The following STPG2 variants were observed in gnomAD, a reference collection of about 807,000 sequenced individuals.
STPG2 encodes the protein sperm-tail PG-rich repeat-containing protein 2.
Under a neutral mutation model 54.2 loss-of-function variants are expected in STPG2, and 56 were observed. The observed-to-expected ratio is 1.03, with a 90% confidence interval of 0.83 to 1.29. The LOEUF (loss-of-function observed/expected upper bound fraction) is 1.29, where lower values mean the gene tolerates loss of function less well. Ranked by LOEUF, STPG2 falls within the 50% of genes most tolerant of loss-of-function variation. STPG2 has a pLI of 0.00. For synonymous variants in STPG2, 200 were observed against 181.8 expected (o/e 1.10, Z -0.81); for missense variants, 596 against 544.9 (o/e 1.09, Z -0.93).
intron 5 of STPG2, among the ~76,000 whole-genome samples, chr4:98,023,207 C>T (rs1331702839): frequency 6.6e-6 from 1 of 152,162 alleles, no homozygotes; most frequent in Non-Finnish European, 1.5e-5. Flanking sequence ...GGTGGATGTC[C>T]TTTCTGTTTG....
intron 4 of STPG2, among the ~76,000 whole-genome samples, chr4:97,452,120 ACCCC>A (rs70953067): frequency 4.1e-4 from 8 of 19,448 alleles, no homozygotes; most frequent in African/African-American, 1.1e-3. Flanking sequence ...CCCCGCCCCC[ACCCC>A]CCCCCCCCCC....
At chr4:98,099,557 T>C (rs966091751) in intron 5 of STPG2, among the ~76,000 whole-genome samples, 7 of 152,164 alleles carry the variant, frequency 4.6e-5, no homozygotes, top group Non-Finnish European at 1.5e-5. Flanking sequence ...TACTATTTGA[T>C]AGCACAATAG....
At chr4:97,861,681 G>C (rs937260617) in intron 8 of STPG2, among the ~76,000 whole-genome samples, 7 of 152,050 alleles carry the variant, frequency 4.6e-5, no homozygotes, top group Non-Finnish European at 8.8e-5. Context: ...AGAAAGGTCG[G>C]GTTACCCACA....
intron 10 of STPG2, among the ~76,000 whole-genome samples, chr4:97,600,645 G>A (rs963380129): frequency 5.3e-5 from 8 of 151,894 alleles, no homozygotes; most frequent in African/African-American, 1.9e-4. Flanking sequence ...AACTAATGAG[G>A]CAGTGTCTAG....
intron 4 of STPG2, among the ~76,000 whole-genome samples, chr4:97,463,370 T>C (rs562091248): frequency 6.6e-6 from 1 of 152,306 alleles, no homozygotes; most frequent in African/African-American, 2.4e-5. Flanking sequence ...TTTAGGTTTA[T>C]AGAAAAGTAG....
At chr4:97,907,417 A>C (rs540353269) in intron 8 of STPG2, among the ~76,000 whole-genome samples, 1 of 152,344 alleles carries the variant, frequency 6.6e-6, no homozygotes, top group African/African-American at 2.4e-5. Flanking sequence ...AGGAAGAATC[A>C]ATATTGTGAA....
chr4:97,846,892 A>G (rs1728972478), intron 8 of STPG2, among the ~76,000 whole-genome samples: 1 of 152,174 alleles, frequency 6.6e-6, no homozygotes, highest in South Asian at 2.1e-4. Flanking sequence ...CTGTGCATAT[A>G]TATCTTATAA....
intron 4 of STPG2, 74 bp from the exon 5 acceptor site, chr4:98,106,138 C>A (rs993499265): frequency 7.8e-6 from 8 of 1,028,962 alleles, no homozygotes; most frequent in African/African-American, 3.4e-5. Context: ...CAAAGAAATT[C>A]TTTCTACAGC....
chr4:97,905,673 G>C (rs1731383007), intron 8 of STPG2, among the ~76,000 whole-genome samples: 1 of 152,136 alleles, frequency 6.6e-6, no homozygotes, highest in African/African-American at 2.4e-5. Context: ...ATTGGATAAA[G>C]AGTCAAGATC....
At chr4:97,626,065 G>T (rs1459227268) in intron 10 of STPG2, among the ~76,000 whole-genome samples, 1 of 152,142 alleles carries the variant, frequency 6.6e-6, no homozygotes, top group African/African-American at 2.4e-5. Flanking sequence ...TATGGGCAAA[G>T]TAGTCATCTT....
intron 4 of STPG2, among the ~76,000 whole-genome samples, chr4:97,462,848 T>C (rs1172676583): frequency 1.3e-5 from 2 of 152,146 alleles, no homozygotes; most frequent in African/African-American, 4.8e-5. Flanking sequence ...TTCCTTATTG[T>C]ATGGACTGAG....
intron 10 of STPG2, among the ~76,000 whole-genome samples, chr4:97,563,827 T>G (rs1279799124): frequency 6.6e-6 from 1 of 152,190 alleles, no homozygotes. Flanking sequence ...TTTCTGATCT[T>G]TTACATTTGC....
At chr4:97,903,757 C>T (rs947819969) in intron 8 of STPG2, among the ~76,000 whole-genome samples, 10 of 152,130 alleles carry the variant, frequency 6.6e-5, no homozygotes, top group South Asian at 2.1e-4. Context: ...GTGCAGGAGC[C>T]GAAGCAGGGC....
At chr4:97,846,104 C>A (rs11097580) in intron 8 of STPG2, among the ~76,000 whole-genome samples, 88,462 of 151,558 alleles carry the variant, frequency 0.58, 26,372 homozygotes, top group East Asian at 0.74. Context: ...TGAAGCAGGC[C>A]AAAGGATAGA....
intron 9 of STPG2, among the ~76,000 whole-genome samples, chr4:97,801,552 C>T (rs915678028): frequency 2.6e-5 from 4 of 152,146 alleles, no homozygotes; most frequent in African/African-American, 9.7e-5. Flanking sequence ...AAACCAGGCA[C>T]AAATCTAGGG....
chr4:97,648,800 T>C (rs1721984169), intron 10 of STPG2, among the ~76,000 whole-genome samples: 1 of 152,156 alleles, frequency 6.6e-6, no homozygotes, highest in African/African-American at 2.4e-5. Flanking sequence ...GTCCTTGTTA[T>C]TGTAGTTGTA....
At chr4:97,704,935 A>G (rs953619283) in intron 10 of STPG2, among the ~76,000 whole-genome samples, 1 of 152,264 alleles carries the variant, frequency 6.6e-6, no homozygotes, top group African/African-American at 2.4e-5. Flanking sequence ...GAAATTTATC[A>G]AGAAAAAATA....
intron 7 of STPG2, among the ~76,000 whole-genome samples, chr4:97,956,296 T>C (rs983332932): frequency 4.6e-5 from 7 of 152,024 alleles, no homozygotes; most frequent in Non-Finnish European, 8.8e-5. Flanking sequence ...AAACTAAAAA[T>C]GTAATATTGA....
At chr4:98,109,457 T>C in intron 3 of STPG2, 152 bp from the exon 4 acceptor site, 1 of 570,798 alleles carries the variant, frequency 1.8e-6, no homozygotes. Flanking sequence ...CTTGGATAGA[T>C]CCCAGGCTAA....
Sources: gnomAD v4.1 joint callset for allele counts (sites outside exome capture counted in the v4.1 genomes callset) on GRCh38, gnomAD v4.1.1 for gene constraint, MANE v1.5 for transcripts, NCBI Gene and HGNC (gene_info 2026-07-23, HGNC 2026-07-21) for gene names.